Variants in SGCD observed in about 807,000 individuals in gnomAD.
The protein encoded by SGCD is sarcoglycan delta.
Under a neutral mutation model 36.6 loss-of-function variants are expected in SGCD, and 18 were observed. The observed-to-expected ratio is 0.49, with a 90% confidence interval of 0.34 to 0.73. The LOEUF is 0.73. Among genes scored for constraint, SGCD ranks in the 30% least tolerant of loss-of-function variants. The probability of loss-of-function intolerance (pLI) is 0.01; values close to 1 mark genes in which losing one functional copy is unlikely to be tolerated. For missense variants in SGCD, 387 were observed against 346.7 expected (o/e 1.12, Z -0.92); for synonymous variants, 133 against 130.6 (o/e 1.02, Z -0.12).
intron 7 of SGCD, among the ~76,000 whole-genome samples, chr5:156,670,689 A>AT (rs1753250749): frequency 2.0e-5 from 3 of 152,126 alleles, no homozygotes; most frequent in Admixed American, 2.0e-4. Context: ...AGGGGTTCTT[A>AT]TTTTTTCCTC....
chr5:155,766,233 T>A, the SGCD span, among the ~76,000 whole-genome samples: 1 of 152,166 alleles, frequency 6.6e-6, no homozygotes, highest in Non-Finnish European at 1.5e-5. Context: ...CCAATCCACA[T>A]ACATTCATCC....
intron 3 of SGCD, among the ~76,000 whole-genome samples, chr5:156,301,455 ACTGT>A (rs530880291): frequency 4.6e-4 from 70 of 152,162 alleles, no homozygotes; most frequent in African/African-American, 1.6e-3. Flanking sequence ...ATCTTATTAT[ACTGT>A]CTATGTTTTG....
At chr5:156,078,379 G>A (rs1312960096) in intron 1 of SGCD, among the ~76,000 whole-genome samples, 2 of 151,378 alleles carry the variant, frequency 1.3e-5, no homozygotes, top group Non-Finnish European at 2.9e-5. Context: ...CGGATGTGGT[G>A]AGGCTCACCT....
intron 1 of SGCD, among the ~76,000 whole-genome samples, chr5:156,004,752 C>T (rs756143391): frequency 1.7e-4 from 26 of 152,166 alleles, no homozygotes; most frequent in Non-Finnish European, 2.6e-4. Context: ...AGTACAAGTG[C>T]TCTATAAATT....
chr5:156,503,674 A>G (rs371602081), intron 3 of SGCD, among the ~76,000 whole-genome samples: 3 of 152,200 alleles, frequency 2.0e-5, no homozygotes, highest in African/African-American at 7.2e-5. Context: ...AATTTTGAGC[A>G]AGTAACTTAC....
chr5:156,571,955 T>C (rs530520401), intron 4 of SGCD, among the ~76,000 whole-genome samples: 1 of 152,320 alleles, frequency 6.6e-6, no homozygotes, highest in African/African-American at 2.4e-5. Context: ...ATCTACTTTC[T>C]TGTGGAATTG....
chr5:155,750,901 C>A, the SGCD span, among the ~76,000 whole-genome samples: 2 of 152,160 alleles, frequency 1.3e-5, no homozygotes, highest in African/African-American at 4.8e-5. Flanking sequence ...CAAATGGCCT[C>A]TGCAAGCATT....
At chr5:156,345,710 A>G (rs1238289819) in intron 3 of SGCD, among the ~76,000 whole-genome samples, 1 of 152,156 alleles carries the variant, frequency 6.6e-6, no homozygotes, top group Non-Finnish European at 1.5e-5. Flanking sequence ...AAACCAAGAA[A>G]CAAACCAAAT....
chr5:156,177,457 G>A (rs1298098235), intron 3 of SGCD, among the ~76,000 whole-genome samples: 2 of 152,096 alleles, frequency 1.3e-5, no homozygotes, highest in Non-Finnish European at 2.9e-5. Flanking sequence ...TAGAGAAATT[G>A]CAAATGTAAG....
At chr5:155,906,019 TGTTA>T (rs1039468235) in intron 1 of SGCD, among the ~76,000 whole-genome samples, 2 of 152,186 alleles carry the variant, frequency 1.3e-5, no homozygotes, top group African/African-American at 4.8e-5. Flanking sequence ...CAAACAAATC[TGTTA>T]GTTCCATTTT....
At chr5:156,383,764 C>T (rs553315725) in intron 3 of SGCD, among the ~76,000 whole-genome samples, 2 of 152,294 alleles carry the variant, frequency 1.3e-5, no homozygotes, top group South Asian at 4.1e-4. Context: ...GTCATCACTG[C>T]AGAAGTCTGA....
chr5:156,090,740 A>G (rs908793532), intron 1 of SGCD, among the ~76,000 whole-genome samples: 9 of 152,142 alleles, frequency 5.9e-5, no homozygotes, highest in African/African-American at 2.2e-4. Context: ...TCAACCGCAT[A>G]AGACAGACAC....
intron 1 of SGCD, among the ~76,000 whole-genome samples, chr5:155,935,445 A>G (rs529990290): frequency 2.6e-5 from 4 of 152,170 alleles, no homozygotes; most frequent in Admixed American, 6.5e-5. Context: ...TGATGCTACA[A>G]AATTATATAA....
At chr5:156,621,658 T>C (rs548164818) in intron 6 of SGCD, among the ~76,000 whole-genome samples, 11 of 152,324 alleles carry the variant, frequency 7.2e-5, no homozygotes, top group Non-Finnish European at 1.3e-4. Flanking sequence ...AAGGATTAAT[T>C]AATCAGTCCA....
chr5:156,691,579 G>C (rs915166275), intron 7 of SGCD, among the ~76,000 whole-genome samples: 3 of 152,208 alleles, frequency 2.0e-5, no homozygotes, highest in Non-Finnish European at 4.4e-5. Flanking sequence ...GGATGTGGCT[G>C]TGTTCCAATA....
chr5:156,213,421 A>G (rs1223122555), intron 3 of SGCD, among the ~76,000 whole-genome samples: 1 of 152,086 alleles, frequency 6.6e-6, no homozygotes, highest in Non-Finnish European at 1.5e-5. Context: ...AATCATGAAT[A>G]CACAGAAAAT....
chr5:156,005,740 G>A (rs1758749718), intron 1 of SGCD, among the ~76,000 whole-genome samples: 2 of 152,150 alleles, frequency 1.3e-5, no homozygotes, highest in African/African-American at 2.4e-5. Context: ...GTGAGCCACC[G>A]TGCCCGGCCT....
intron 3 of SGCD, among the ~76,000 whole-genome samples, chr5:156,355,869 T>C (rs1769468641): frequency 6.6e-6 from 1 of 152,220 alleles, no homozygotes; most frequent in South Asian, 2.1e-4. Flanking sequence ...ATTCCTGAAC[T>C]CAAGTGATTT....
chr5:156,055,053 C>G (rs999068094), intron 1 of SGCD, among the ~76,000 whole-genome samples: 2 of 146,354 alleles, frequency 1.4e-5, no homozygotes, highest in Middle Eastern at 3.6e-3. Flanking sequence ...TATGTCTGTG[C>G]TCAGAGGAGT....
Sources: gnomAD v4.1 joint callset for allele counts (sites outside exome capture counted in the v4.1 genomes callset) on GRCh38, gnomAD v4.1.1 for gene constraint, MANE v1.5 for transcripts, NCBI Gene and HGNC (gene_info 2026-07-23, HGNC 2026-07-21) for gene names.